UBAC2: variants seen among roughly 807,000 people sequenced by gnomAD.
UBAC2 encodes UBA domain containing 2.
In UBAC2, 26 loss-of-function variants were observed where a neutral mutation model predicts 44.0. That is an observed-to-expected ratio of 0.59 (90% CI 0.43 to 0.82). The LOEUF (loss-of-function observed/expected upper bound fraction) is 0.82. Ranked by LOEUF, UBAC2 falls within the 40% of genes least tolerant of loss-of-function variation. The pLI is 0.00. For missense variants in UBAC2, 329 were observed against 419.4 expected (o/e 0.78, Z 1.88); for synonymous variants, 155 against 154.3 (o/e 1.00, Z -0.04).
intron 7 of UBAC2, among the ~76,000 whole-genome samples, chr13:99,355,320 C>T (rs2045160936): frequency 6.6e-6 from 1 of 152,142 alleles, no homozygotes; most frequent in African/African-American, 2.4e-5. Flanking sequence ...ATGGATAATC[C>T]ACACTCTGAG....
intron 4 of UBAC2, among the ~76,000 whole-genome samples, chr13:99,281,317 T>G (rs2043951810): frequency 6.6e-6 from 1 of 152,138 alleles, no homozygotes; most frequent in Admixed American, 6.5e-5. Context: ...ATAAAATCAT[T>G]TCCAGCATCT....
At chr13:99,338,053 T>C (rs75346908) in intron 6 of UBAC2, among the ~76,000 whole-genome samples, 1,747 of 57,194 alleles carry the variant, frequency 0.031, 44 homozygotes, top group Non-Finnish European at 0.048. Context: ...TTTTCTTTTT[T>C]TTTTTTTTTT....
At chr13:99,231,809 C>T (rs755322367) in intron 1 of UBAC2, among the ~76,000 whole-genome samples, 26 of 152,170 alleles carry the variant, frequency 1.7e-4, no homozygotes, top group Non-Finnish European at 2.1e-4. Context: ...GATGAGGCAA[C>T]ACAACTACAT....
At position 99,323,898 on chromosome 13, in the gene UBAC2, T is replaced by C. The variant is rs183415166; in HGVS notation, c.561+5829T>C. Among the ~76,000 whole-genome samples, 475 of 152,312 alleles carry C rather than the reference T, an allele frequency of 3.1e-3. 2 individuals carry two copies. The highest frequency in any genetic ancestry group is 5.0e-3 in the Non-Finnish European group (341 of 68,022). On this transcript the variant is annotated intron_variant, in intron 6 of 8. Transcript: ENST00000403766. ...GTGCAGAATAAATGAAATGATGCCA[T>C]TGTCTTAATAAAGCTGGCAGATAGA...
At chr13:99,356,247 A>G (rs368834775) in intron 7 of UBAC2, 13 of 529,724 alleles carry the variant, frequency 2.5e-5, no homozygotes, top group African/African-American at 7.7e-5. Context: ...GCCATCCCCA[A>G]TCAGTCCCTG....
At chr13:99,374,937 C>A (rs1245316107) in intron 8 of UBAC2, among the ~76,000 whole-genome samples, 1 of 152,238 alleles carries the variant, frequency 6.6e-6, no homozygotes, top group African/African-American at 2.4e-5. Context: ...CCTTTCAGAA[C>A]TCTTGTTTTC....
At chr13:99,223,542 G>GTTTTTTTTTTTTTTTTTTTTTTTTT (rs145143990) in intron 1 of UBAC2, among the ~76,000 whole-genome samples, 1 of 62,446 alleles carries the variant, frequency 1.6e-5, no homozygotes, top group Non-Finnish European at 2.8e-5. Context: ...CTCTTTTTCT[G>GTTTTTTTTTTTTTTTTTTTTTTTTT]TTTTTTTTTT....
At chr13:99,230,616 G>A (rs975782983) in intron 1 of UBAC2, among the ~76,000 whole-genome samples, 2 of 152,146 alleles carry the variant, frequency 1.3e-5, no homozygotes, top group Non-Finnish European at 2.9e-5. Context: ...CTGTTTCTTC[G>A]CCTTTTGTAG....
chr13:99,313,698 C>T (rs1040922856), intron 4 of UBAC2, among the ~76,000 whole-genome samples: 1 of 151,968 alleles, frequency 6.6e-6, no homozygotes, highest in Non-Finnish European at 1.5e-5. Context: ...AGTGCCATGG[C>T]GACAGATCAC....
At chr13:99,375,390 G>A (rs891767495) in intron 8 of UBAC2, among the ~76,000 whole-genome samples, 3 of 152,244 alleles carry the variant, frequency 2.0e-5, no homozygotes, top group Non-Finnish European at 2.9e-5. Context: ...CATGGGGGTG[G>A]GCAGCTGGTG....
intron 2 of UBAC2, among the ~76,000 whole-genome samples, chr13:99,241,196 T>C (rs948772858): frequency 2.0e-5 from 3 of 150,248 alleles, no homozygotes; most frequent in Non-Finnish European, 4.4e-5. Flanking sequence ...TCTCAGAGGG[T>C]TGAGCCTGCA....
chr13:99,266,079 G>A (rs1277492170), intron 4 of UBAC2, among the ~76,000 whole-genome samples: 1 of 152,056 alleles, frequency 6.6e-6, no homozygotes, highest in East Asian at 1.9e-4. Flanking sequence ...TGATTAGTGG[G>A]TCTTGGAGCT....
intron 7 of UBAC2, among the ~76,000 whole-genome samples, chr13:99,362,420 C>T (rs1271455526): frequency 6.6e-6 from 1 of 152,186 alleles, no homozygotes; most frequent in African/African-American, 2.4e-5. Flanking sequence ...AGAATAGTTT[C>T]ACTAGATCTT....
chr13:99,306,082 G>C (rs1201322316), intron 4 of UBAC2, among the ~76,000 whole-genome samples: 1 of 152,078 alleles, frequency 6.6e-6, no homozygotes, highest in Non-Finnish European at 1.5e-5. Context: ...TTTTAGTAGA[G>C]ATGGGGTTTC....
chr13:99,297,077 C>T (rs771515546), intron 4 of UBAC2, among the ~76,000 whole-genome samples: 12 of 152,148 alleles, frequency 7.9e-5, no homozygotes, highest in Non-Finnish European at 1.5e-4. Flanking sequence ...TGTGTCAATG[C>T]ATAATTTGCT....
At chr13:99,237,885 G>A (rs1212472979) in intron 1 of UBAC2, among the ~76,000 whole-genome samples, 1 of 152,198 alleles carries the variant, frequency 6.6e-6, no homozygotes, top group African/African-American at 2.4e-5. Flanking sequence ...AACCTGGGAG[G>A]TGGAGGTTGC....
At chr13:99,364,379 T>C (rs1411836105) in intron 7 of UBAC2, among the ~76,000 whole-genome samples, 2 of 150,056 alleles carry the variant, frequency 1.3e-5, no homozygotes, top group Admixed American at 6.7e-5. Flanking sequence ...AAGAGAATTA[T>C]TTTGAAAACA....
chr13:99,228,418 G>C (rs1182713292), intron 1 of UBAC2, among the ~76,000 whole-genome samples: 1 of 151,646 alleles, frequency 6.6e-6, no homozygotes, highest in Non-Finnish European at 1.5e-5. Flanking sequence ...CTCCTGAATA[G>C]CTGGGATTAC....
At chr13:99,373,486 C>T (rs924292186) in intron 8 of UBAC2, among the ~76,000 whole-genome samples, 7 of 152,150 alleles carry the variant, frequency 4.6e-5, no homozygotes, top group South Asian at 4.1e-4. Context: ...TGCTCTGCAC[C>T]GGGGCTAAGC....
Sources: gnomAD v4.1 joint callset for allele counts (sites outside exome capture counted in the v4.1 genomes callset) on GRCh38, gnomAD v4.1.1 for gene constraint, MANE v1.5 for transcripts, NCBI Gene and HGNC (gene_info 2026-07-23, HGNC 2026-07-21) for gene names.